Variants in COL23A1 observed in about 807,000 individuals in gnomAD.
The protein encoded by COL23A1 is collagen type XXIII alpha 1 chain, also known as collagen alpha-1(XXIII) chain.
A neutral mutation model predicts 99.3 loss-of-function variants in COL23A1; 97 were observed. That is an observed-to-expected ratio of 0.98 (90% confidence interval 0.83 to 1.16). The LOEUF (loss-of-function observed/expected upper bound fraction) is 1.16, where lower values mean the gene tolerates loss of function less well. COL23A1 is among the 50% of genes most tolerant of loss of function. The pLI is 0.00. For missense variants in COL23A1, 762 were observed against 757.4 expected (o/e 1.01, Z -0.07); for synonymous variants, 320 against 308.2 (o/e 1.04, Z -0.40).
intron 2 of COL23A1, among the ~76,000 whole-genome samples, chr5:178,360,529 G>T (rs1762120592): frequency 6.6e-6 from 1 of 152,196 alleles, no homozygotes; most frequent in Non-Finnish European, 1.5e-5. Flanking sequence ...AAGAGCAGGA[G>T]AACTGACCGC....
intron 2 of COL23A1, among the ~76,000 whole-genome samples, chr5:178,419,501 GGTCACTATGATTAGCATCAGCCT>G (rs1047100619): frequency 6.6e-6 from 1 of 152,188 alleles, no homozygotes; most frequent in African/African-American, 2.4e-5. Flanking sequence ...CAAACCCTGG[GGTCACTATGATTAGCATCAGCCT>G]GTTTTGTAGA....
At chr5:178,346,211 T>C (rs1760960999) in intron 2 of COL23A1, among the ~76,000 whole-genome samples, 1 of 152,076 alleles carries the variant, frequency 6.6e-6, no homozygotes, top group Admixed American at 6.6e-5. Flanking sequence ...TATTTATTTA[T>C]TTATTATTTA....
chr5:178,490,985 C>T (rs561423371), intron 2 of COL23A1, among the ~76,000 whole-genome samples: 1 of 151,846 alleles, frequency 6.6e-6, no homozygotes, highest in South Asian at 2.1e-4. Context: ...TTCCACTAGG[C>T]TTGTCTGCTT....
At chr5:178,546,239 C>A (rs979388598) in intron 2 of COL23A1, among the ~76,000 whole-genome samples, 2 of 152,140 alleles carry the variant, frequency 1.3e-5, no homozygotes, top group African/African-American at 4.8e-5. Context: ...GCCTCCTGTT[C>A]CCGAGGTGGG....
intron 2 of COL23A1, among the ~76,000 whole-genome samples, chr5:178,451,527 C>T (rs947707371): frequency 1.3e-5 from 2 of 151,660 alleles, no homozygotes; most frequent in African/African-American, 2.4e-5. Flanking sequence ...GTGTGGTAGG[C>T]ACATAAGTAA....
intron 2 of COL23A1, among the ~76,000 whole-genome samples, chr5:178,470,502 G>A (rs924098282): frequency 3.9e-5 from 6 of 152,140 alleles, no homozygotes; most frequent in South Asian, 2.1e-4. Flanking sequence ...ACGGCAAGCC[G>A]TCAGTGTCGA....
At chr5:178,473,206 A>T (rs1036192164) in intron 2 of COL23A1, among the ~76,000 whole-genome samples, 1 of 152,216 alleles carries the variant, frequency 6.6e-6, no homozygotes, top group Non-Finnish European at 1.5e-5. Flanking sequence ...CAATATTTAC[A>T]TAGCTTTCAC....
intron 1 of COL23A1, among the ~76,000 whole-genome samples, chr5:178,587,444 G>C (rs1764060355): frequency 6.6e-6 from 1 of 152,140 alleles, no homozygotes; most frequent in East Asian, 1.9e-4. Context: ...ATTCACAGTG[G>C]CTTTTGTTGG....
At chr5:178,447,511 T>C (rs1272286694) in intron 2 of COL23A1, among the ~76,000 whole-genome samples, 2 of 152,256 alleles carry the variant, frequency 1.3e-5, no homozygotes, top group East Asian at 3.8e-4. Context: ...GATATACACA[T>C]ACTAACCATT....
rs1759599472 is a variant in COL23A1 at position 178,517,566 on chromosome 5, TTG to T, written c.361+43114_361+43115del. ...ACTCTCGGTGACAGCAGTTTTTTTT[TTG>T]TTTTTTTTTTTGAGATGGAGTCTCA... On this transcript the variant is annotated intron_variant, in intron 2 of 28. Transcript: ENST00000390654. Among the ~76,000 whole-genome samples the T allele has an allele frequency of 1.8e-5, 2 of 108,656 alleles. 1 individual carries two copies. The highest frequency in any genetic ancestry group is 3.8e-5 in the Non-Finnish European group (2 of 52,148). 71.3% of individuals were successfully genotyped at this position (108,656 alleles called of 152,430 possible). A position where few individuals can be genotyped will look rare whatever the true frequency, so the allele number is the denominator to read the frequency against.
intron 2 of COL23A1, among the ~76,000 whole-genome samples, chr5:178,479,811 T>A (rs34652639): frequency 1.8e-4 from 28 of 152,064 alleles, no homozygotes; most frequent in Admixed American, 3.9e-4. Context: ...CATGCCTCTC[T>A]TAATGACAGG....
At chr5:178,345,099 G>C (rs1298756996) in intron 2 of COL23A1, 4 of 592,976 alleles carry the variant, frequency 6.7e-6, no homozygotes, top group Admixed American at 4.0e-5. Flanking sequence ...CCTGGTAATT[G>C]GCACGACATC....
Position 178,415,693 on chromosome 5 carries a change from C to T in COL23A1, c.362-108774G>A, listed in dbSNP as rs4507508. ...GGTGGGCAGTCAGCAGACTGTCCCA[C>T]GCCACATCTGTGCCCGAGCCCTGCT... is the stretch of plus-strand genomic sequence containing the variant. On this transcript the variant is annotated intron_variant, in intron 2 of 28. Transcript: ENST00000390654. The surrounding 1 kb of genome is among the most constrained non-coding windows in gnomAD (Gnocchi z 4.6). Among the ~76,000 whole-genome samples the T allele has an allele frequency of 0.46, 69,314 of 151,580 alleles. 17,013 individuals are homozygous for T. Among genetic ancestry groups the T allele is most frequent in the East Asian group, 0.68 (3,466 of 5,110 alleles).
intron 2 of COL23A1, among the ~76,000 whole-genome samples, chr5:178,370,151 T>C (rs1762722401): frequency 6.6e-6 from 1 of 152,182 alleles, no homozygotes; most frequent in South Asian, 2.1e-4. Flanking sequence ...ATGACCCTCT[T>C]GAGATGTGCA....
chr5:178,337,137 G>A (rs1221236608), intron 2 of COL23A1, among the ~76,000 whole-genome samples: 1 of 152,238 alleles, frequency 6.6e-6, no homozygotes, highest in Non-Finnish European at 1.5e-5. Flanking sequence ...GAAGTTGCAC[G>A]TGTGGGCCAC....
rs539756960 is a variant in COL23A1 at position 178,323,250 on chromosome 5, AG to A, written c.362-16332del. Among the ~76,000 whole-genome samples the A allele has an allele frequency of 4.6e-3, 697 of 152,184 alleles. 7 individuals are homozygous for A. The highest frequency in any genetic ancestry group is 0.015 in the African/African-American group (642 of 41,542). On this transcript the variant is annotated intron_variant, in intron 2 of 28. Coordinates refer to ENST00000390654, the MANE Select transcript of COL23A1 (RefSeq NM_173465.4). ...CTGGCCTGTCTCTGGGGCTTGGCAA[AG>A]GGTGGATGCACAGGGAATGTCCGTG...
intron 2 of COL23A1, among the ~76,000 whole-genome samples, chr5:178,363,459 G>A (rs1762284555): frequency 6.6e-6 from 1 of 152,170 alleles, no homozygotes. Context: ...TATCTATTGA[G>A]TCCTACTACG....
At position 178,306,876 on chromosome 5, in the gene COL23A1, AG is replaced by A; in HGVS notation, c.404del (p.Pro135LeufsTer174). ...RRGKPGRRGD[P>X]GPPGQSGRDG... ...GAGCTGAGAAAACCTGGGACTCACC[AG>A]GGTCGCCTCTTCTCCCAGGCTTGCC... On this transcript the variant is annotated frameshift_variant and splice_region_variant, in exon 3 of 29. Transcript: ENST00000390654. LOFTEE classifies it high-confidence loss of function. The surrounding 1 kb of genome is among the most constrained non-coding windows in gnomAD (Gnocchi z 4.1). 1 of 1,537,196 alleles carries A rather than the reference AG, an allele frequency of 6.5e-7. No homozygotes were observed. Among genetic ancestry groups the A allele is most frequent in the Non-Finnish European group, 8.8e-7 (1 of 1,141,286 alleles).
chr5:178,515,911 T>C (rs914168952), intron 2 of COL23A1, among the ~76,000 whole-genome samples: 2 of 152,094 alleles, frequency 1.3e-5, no homozygotes, highest in African/African-American at 4.8e-5. Context: ...CCCGGTCCAG[T>C]GCTCGGGGTC....
Sources: allele counts gnomAD v4.1 joint callset (sites outside exome capture counted in the v4.1 genomes callset), GRCh38; gene constraint gnomAD v4.1.1; non-coding constraint Gnocchi (gnomAD v3.1); transcripts MANE v1.5; gene names NCBI Gene and HGNC (gene_info 2026-07-23, HGNC 2026-07-21).